Variants in TMEM222 observed in about 807,000 individuals in gnomAD.
TMEM222 encodes transmembrane protein 222.
In TMEM222, 18 loss-of-function variants were observed where a neutral mutation model predicts 25.1. The observed-to-expected ratio is 0.72, with a 90% CI of 0.50 to 1.06. The LOEUF is 1.06. Among genes scored for constraint, TMEM222 ranks in the 50% least tolerant of loss-of-function variants. TMEM222 has a pLI of 0.00. For synonymous variants in TMEM222, 131 were observed against 117.9 expected (o/e 1.11, Z -0.72); for missense variants, 296 against 293.7 (o/e 1.01, Z -0.06).
At chr1:27,328,852 C>A (rs1477146559) in intron 1 of TMEM222, among the ~76,000 whole-genome samples, 1 of 152,204 alleles carries the variant, frequency 6.6e-6, no homozygotes, top group African/African-American at 2.4e-5. Context: ...TTGGCCTGCA[C>A]CCCTAGCCAG....
At chr1:27,335,010 C>A in intron 5 of TMEM222, 1 of 335,512 alleles carries the variant, frequency 3.0e-6, no homozygotes, top group Non-Finnish European at 5.6e-6. Flanking sequence ...AGGCAGAGGG[C>A]ACACGTGGCT....
chr1:27,325,878 C>T (rs2014334844), intron 1 of TMEM222: 4 of 753,554 alleles, frequency 5.3e-6, no homozygotes, highest in Admixed American at 5.3e-5. Context: ...GCATATACCT[C>T]ATGCTAGCCT....
chr1:27,335,584 C>A lies in TMEM222; in HGVS notation c.*118C>A. 3 of 966,110 alleles carry A rather than the reference C, an allele frequency of 3.1e-6. No homozygotes were observed. The highest frequency in any genetic ancestry group is 2.6e-5 in the East Asian group (1 of 38,834). The allele number at this position is 966,110 out of a possible 1,614,324, so 59.8% of individuals were successfully genotyped here. On this transcript the variant is annotated 3_prime_UTR_variant, in exon 6 of 6. Transcript: ENST00000374076. ...CAGGGTTGGGCCTGCTGTTGTGGAC[C>A]GGGGGTCGGGGCTGGCAGGATGGAA... is the stretch of plus-strand genomic sequence containing the variant.
intron 1 of TMEM222, chr1:27,325,501 C>T (rs1224766438): frequency 1.6e-5 from 23 of 1,462,804 alleles, no homozygotes; most frequent in Non-Finnish European, 2.0e-5. Context: ...CACGAGACCA[C>T]GTTCAACTCC....
Position 27,330,785 on chromosome 1 carries a change from C to A in TMEM222, c.260C>A (p.Ala87Glu). Residue 87 changes from alanine to glutamate, a missense_variant, in exon 2 of 6, where the codon GCG becomes GAG. Transcript: ENST00000374076. ...TCCACAGGAGTCATTCGGGACTTCGCGGGCCCCTACTTTGTCTCAGTGAGT... is the reference window on the plus strand; with the variant it reads ...TCCACAGGAGTCATTCGGGACTTCGAGGGCCCCTACTTTGTCTCAGTGAGT... Reference protein sequence around the residue: ...CTSTGVIRDFAGPYFVSEDNM... With the variant: ...CTSTGVIRDFEGPYFVSEDNM... The A allele has an allele frequency of 6.2e-7, 1 of 1,614,150 alleles. No individual in the cohort carries two copies. Among genetic ancestry groups the A allele is most frequent in the Non-Finnish European group, 8.5e-7 (1 of 1,180,016 alleles).
intron 3 of TMEM222, chr1:27,332,771 C>T (rs982919184): frequency 5.7e-5 from 30 of 521,988 alleles, no homozygotes; most frequent in African/African-American, 4.0e-4. Flanking sequence ...TTCCTGCTGC[C>T]CTCTCTGGCT....
chr1:27,332,164 G>C, intron 3 of TMEM222, 63 bp downstream of exon 3: 4 of 1,592,152 alleles, frequency 2.5e-6, no homozygotes, highest in South Asian at 1.1e-5. Context: ...GGGCGGGCCA[G>C]GCCTTCTGGG....
intron 3 of TMEM222, chr1:27,333,501 TG>T (rs1333261393): frequency 4.4e-6 from 2 of 458,636 alleles, no homozygotes; most frequent in Admixed American, 4.7e-5. Flanking sequence ...TGGGTGCGGG[TG>T]CTGGTAGAGT....
chr1:27,334,912 C>G, intron 5 of TMEM222: 1 of 794,968 alleles, frequency 1.3e-6, no homozygotes, highest in Non-Finnish European at 1.6e-6. Context: ...AACCCAGACC[C>G]CTGGCTCCCA....
chr1:27,332,067 C>A lies in TMEM222; in HGVS notation c.280-3C>A. 1.9e-6 allele frequency: 3 copies of A among 1,614,262 alleles called. No individual in the cohort carries two copies. In the African/African-American group the frequency reaches 4.0e-5, roughly 22 times the overall value. ...ACTGACCTCTGCTTTTGTCCCTCAA[C>A]AGGAGGACAACATGGCCTTTGGAAA... On this transcript the variant is annotated splice_region_variant and splice_polypyrimidine_tract_variant and intron_variant, in intron 2 of 5. Coordinates refer to ENST00000374076, the MANE Select transcript of TMEM222 (RefSeq NM_032125.3).
chr1:27,329,328 CG>C (rs957835348), intron 1 of TMEM222, among the ~76,000 whole-genome samples: 2 of 152,018 alleles, frequency 1.3e-5, no homozygotes, highest in Admixed American at 6.6e-5. Context: ...GCCACCCAGA[CG>C]GGGGCTAGAA....
intron 5 of TMEM222, chr1:27,335,061 C>G (rs1257394354): frequency 4.7e-6 from 2 of 425,350 alleles, no homozygotes; most frequent in South Asian, 5.2e-5. Context: ...TTGCTGGAGA[C>G]CCTAGAGGTA....
chr1:27,331,094 G>A, intron 2 of TMEM222: 1 of 1,312,188 alleles, frequency 7.6e-7, no homozygotes, highest in Non-Finnish European at 9.8e-7. Flanking sequence ...GGCAAGAGTG[G>A]AGAGTCAGAC....
chr1:27,325,397 G>T, intron 1 of TMEM222: 1 of 1,036,280 alleles, frequency 9.6e-7, no homozygotes, highest in South Asian at 1.3e-5. Flanking sequence ...ACAAGCTGCC[G>T]GATGGCCAGG....
chr1:27,333,327 C>T (rs1315071330), intron 3 of TMEM222: 1 of 470,998 alleles, frequency 2.1e-6, no homozygotes, highest in African/African-American at 2.0e-5. Flanking sequence ...TCTTTCTATG[C>T]CTGCCTAACC....
chr1:27,335,737 G>A lies in TMEM222; in HGVS notation c.*271G>A. 1 of 520,580 alleles carries A rather than the reference G, an allele frequency of 1.9e-6. No individual in the cohort carries two copies. The highest frequency in any genetic ancestry group is 2.2e-5 in the South Asian group (1 of 46,426). 32.2% of individuals were successfully genotyped at this position (520,580 alleles called of 1,614,324 possible). ...TTTGTTCTTCTGTTGAAAGGCTTTG[G>A]CTTCCCGCTGTAGAGCTGCTCCCGC... On this transcript the variant is annotated 3_prime_UTR_variant, in exon 6 of 6. Coordinates refer to ENST00000374076, the MANE Select transcript of TMEM222 (RefSeq NM_032125.3).
chr1:27,332,144 G>A lies in TMEM222; in HGVS notation c.311+43G>A, dbSNP rs150229097. On this transcript the variant is annotated intron_variant, in intron 3 of 5. Transcript: ENST00000374076. ...ATGTGACTGGCTCTAGAGGCAGGTC[G>A]CTCCTGCCGGGGCGGGCCAGGCCTT... 6.2e-4 allele frequency: 1,004 copies of A among 1,612,598 alleles called. 8 individuals carry two copies. The African/African-American group carries it at 8.4e-3, about 13-fold the overall frequency.
intron 5 of TMEM222, 107 bp from the exon 6 acceptor site, chr1:27,335,272 C>A: frequency 8.8e-7 from 1 of 1,137,510 alleles, no homozygotes; most frequent in Non-Finnish European, 1.3e-6. Flanking sequence ...GTTGGGTTTT[C>A]CTTAGGGATG....
intron 5 of TMEM222, 38 bp from the exon 6 acceptor site, chr1:27,335,341 G>A: frequency 6.2e-7 from 1 of 1,604,148 alleles, no homozygotes. Context: ...TGCTCACCAG[G>A]CCCTGCCCAC....
Sources: gnomAD v4.1 joint callset for allele counts (sites outside exome capture counted in the v4.1 genomes callset) on GRCh38, gnomAD v4.1.1 for gene constraint, MANE v1.5 for transcripts, NCBI Gene and HGNC (gene_info 2026-07-23, HGNC 2026-07-21) for gene names.